The following CLDN10 variants were observed in gnomAD, a reference collection of about 807,000 sequenced individuals.
CLDN10 encodes claudin 10, also known as claudin-10.
A neutral mutation model predicts 22.9 loss-of-function variants in CLDN10; 15 were observed. The observed-to-expected ratio is 0.65, with a 90% CI of 0.44 to 1.01. The LOEUF is 1.01. Ranked by LOEUF, CLDN10 falls within the 50% of genes least tolerant of loss-of-function variation. The pLI, the probability that CLDN10 is intolerant of heterozygous loss-of-function variation, is 0.00. For synonymous variants in CLDN10, 114 were observed against 111.4 expected (o/e 1.02, Z -0.15); for missense variants, 247 against 287.8 (o/e 0.86, Z 1.03).
intron 1 of CLDN10, among the ~76,000 whole-genome samples, chr13:95,480,653 G>A (rs2042736953): frequency 6.6e-6 from 1 of 152,072 alleles, no homozygotes; most frequent in Admixed American, 6.6e-5. Context: ...AGATCCCTTG[G>A]CTCCACCCTC....
intron 1 of CLDN10, among the ~76,000 whole-genome samples, chr13:95,509,579 TA>T (rs925608966): frequency 1.3e-5 from 2 of 152,198 alleles, no homozygotes; most frequent in African/African-American, 4.8e-5. Context: ...AAAGCAACAA[TA>T]ATTTTAGCTT....
chr13:95,457,225 C>T (rs1014167336), intron 1 of CLDN10, among the ~76,000 whole-genome samples: 1 of 152,138 alleles, frequency 6.6e-6, no homozygotes, highest in Non-Finnish European at 1.5e-5. Flanking sequence ...CCATCCACAT[C>T]TCTGGAGATT....
intron 1 of CLDN10, among the ~76,000 whole-genome samples, chr13:95,444,468 C>T (rs2042353238): frequency 6.6e-6 from 1 of 152,180 alleles, no homozygotes; most frequent in African/African-American, 2.4e-5. Context: ...CAGGGAGGAA[C>T]AGGACAGGGG....
intron 1 of CLDN10, among the ~76,000 whole-genome samples, chr13:95,464,684 C>T (rs2139093751): frequency 6.6e-6 from 1 of 152,078 alleles, no homozygotes; most frequent in Middle Eastern, 3.4e-3. Flanking sequence ...CAAGGGTGTA[C>T]ATGTCCCAGA....
chr13:95,561,544 G>A (rs2138660844), intron 3 of CLDN10, among the ~76,000 whole-genome samples: 1 of 152,164 alleles, frequency 6.6e-6, no homozygotes, highest in African/African-American at 2.4e-5. Flanking sequence ...TTATAAAGTA[G>A]GTCCTCTTGG....
intron 3 of CLDN10, among the ~76,000 whole-genome samples, chr13:95,571,119 A>G (rs1173147416): frequency 6.6e-6 from 1 of 152,016 alleles, no homozygotes; most frequent in Non-Finnish European, 1.5e-5. Context: ...TCATTTTAGA[A>G]AATACAAAGA....
intron 1 of CLDN10, among the ~76,000 whole-genome samples, chr13:95,495,676 G>A (rs374228749): frequency 2.2e-4 from 33 of 148,366 alleles, no homozygotes; most frequent in South Asian, 1.3e-3. Context: ...CCCGGGAGGC[G>A]GAGCTTGCAG....
intron 1 of CLDN10, among the ~76,000 whole-genome samples, chr13:95,436,581 C>T (rs546329318): frequency 6.6e-6 from 1 of 152,300 alleles, no homozygotes; most frequent in East Asian, 1.9e-4. Context: ...TTGAAAATCT[C>T]ACCCACTGAC....
chr13:95,475,955 G>C (rs544955428), intron 1 of CLDN10, among the ~76,000 whole-genome samples: 5 of 152,110 alleles, frequency 3.3e-5, no homozygotes, highest in African/African-American at 1.2e-4. Context: ...GCCCCTGAGC[G>C]TGCTGGGTGG....
intron 3 of CLDN10, among the ~76,000 whole-genome samples, chr13:95,568,800 C>T (rs1191776462): frequency 6.6e-6 from 1 of 152,112 alleles, no homozygotes; most frequent in East Asian, 1.9e-4. Flanking sequence ...CTGCATATCT[C>T]CTAGAATGGT....
intron 1 of CLDN10, among the ~76,000 whole-genome samples, chr13:95,443,924 A>G (rs1162724025): frequency 6.6e-6 from 1 of 152,224 alleles, no homozygotes; most frequent in Non-Finnish European, 1.5e-5. Flanking sequence ...ACAAGAAAAC[A>G]GAGTTAATAC....
At chr13:95,570,858 G>GTATATATATATATATATATATATATA (rs55861640) in intron 3 of CLDN10, among the ~76,000 whole-genome samples, 48 of 119,666 alleles carry the variant, frequency 4.0e-4, no homozygotes, top group Non-Finnish European at 5.8e-4. Flanking sequence ...ATATACGTGT[G>GTATATATATATATATATATATATATA]TATATATATA....
chr13:95,577,281 G>A lies in CLDN10; in HGVS notation c.515G>A (p.Cys172Tyr), dbSNP rs1045954410. The A allele has an allele frequency of 2.4e-5, 38 of 1,614,136 alleles. No individual in the cohort carries two copies. Among genetic ancestry groups the A allele is most frequent in the Non-Finnish European group, 3.1e-5 (37 of 1,180,000 alleles). ...ATTGGATGGGCAGGAGCCTCACTGT[G>A]CATAATTGGTGGTGTCATATTTTGC... Reference protein sequence around the residue: ...LFIGWAGASLCIIGGVIFCFS... With the variant: ...LFIGWAGASLYIIGGVIFCFS... Residue 172 changes from cysteine (C) to tyrosine (Y), a missense_variant, in exon 4 of 5, where the codon TGC becomes TAC. Cys to Tyr is a radical substitution (Grantham distance 194). Coordinates refer to ENST00000299339, the MANE Select transcript of CLDN10 (RefSeq NM_006984.5).
chr13:95,457,210 C>T (rs1394578211), intron 1 of CLDN10, among the ~76,000 whole-genome samples: 1 of 152,126 alleles, frequency 6.6e-6, no homozygotes, highest in African/African-American at 2.4e-5. Flanking sequence ...GATCCAATTC[C>T]TAGTCCATCC....
intron 1 of CLDN10, among the ~76,000 whole-genome samples, chr13:95,435,931 T>C (rs1435285735): frequency 3.3e-5 from 5 of 151,058 alleles, no homozygotes; most frequent in Non-Finnish European, 1.5e-5. Flanking sequence ...GCTGAGATTA[T>C]AGGCCTGAGC....
chr13:95,504,425 G>A (rs951060948), intron 1 of CLDN10, among the ~76,000 whole-genome samples: 4 of 151,886 alleles, frequency 2.6e-5, no homozygotes, highest in African/African-American at 9.7e-5. Context: ...CTGTCACCCA[G>A]GTGGAGTGCA....
At chr13:95,573,089 C>G (rs747461008) in intron 3 of CLDN10, among the ~76,000 whole-genome samples, 1 of 152,206 alleles carries the variant, frequency 6.6e-6, no homozygotes, top group Non-Finnish European at 1.5e-5. Context: ...CCACATACAG[C>G]TGGGTGGAGA....
chr13:95,537,754 A>C (rs146762846), intron 1 of CLDN10, among the ~76,000 whole-genome samples: 1,886 of 152,258 alleles, frequency 0.012, 36 homozygotes, highest in African/African-American at 0.043. Flanking sequence ...TTCCATCATA[A>C]CTACCTGCCT....
upstream of CLDN10, among the ~76,000 whole-genome samples, chr13:95,552,222 C>G (rs528884679): frequency 6.6e-6 from 1 of 152,364 alleles, no homozygotes; most frequent in Non-Finnish European, 1.5e-5. Context: ...AACAGAGTCA[C>G]CCAAACAAGC....
Sources: allele counts gnomAD v4.1 joint callset (sites outside exome capture counted in the v4.1 genomes callset), GRCh38; gene constraint gnomAD v4.1.1; transcripts MANE v1.5; gene names NCBI Gene and HGNC (gene_info 2026-07-23, HGNC 2026-07-21).